CDH23: variants seen among roughly 807,000 people sequenced by gnomAD.
The protein encoded by CDH23 is cadherin-23.
Under a neutral mutation model 317.1 loss-of-function variants are expected in CDH23, and 189 were observed. The ratio of observed to expected loss-of-function variants is 0.60; its 90% CI spans 0.53 to 0.67. The LOEUF (loss-of-function observed/expected upper bound fraction) is 0.67. Ranked by LOEUF, CDH23 falls within the 30% of genes least tolerant of loss-of-function variation. The pLI is 0.00. For missense variants in CDH23, 4,401 were observed against 4,592.4 expected, an observed-to-expected ratio of 0.96 and a Z score of 1.20; for synonymous variants, 1,839 against 1,876.8, an observed-to-expected ratio of 0.98 and a Z score of 0.52.
intron 25 of CDH23, 41 bp downstream of exon 25, chr10:71,705,171 G>A: frequency 6.4e-7 from 1 of 1,563,806 alleles, no homozygotes; most frequent in Non-Finnish European, 8.7e-7. Context: ...CTCAGTGTGT[G>A]GGCACAGGCC....
intron 1 of CDH23, among the ~76,000 whole-genome samples, chr10:71,431,938 C>T (rs1849390270): frequency 6.6e-6 from 1 of 152,204 alleles, no homozygotes; most frequent in African/African-American, 2.4e-5. Flanking sequence ...GGGAGTGTGC[C>T]TTGCTCCAGC....
At chr10:71,648,687 T>C (rs952111370) in intron 14 of CDH23, among the ~76,000 whole-genome samples, 5 of 152,174 alleles carry the variant, frequency 3.3e-5, no homozygotes, top group African/African-American at 9.7e-5. Context: ...CTTTGGTGAA[T>C]GTGAGCCGAG....
intron 69 of CDH23, 133 bp downstream of exon 69, chr10:71,813,481 G>C: frequency 1.3e-6 from 1 of 782,254 alleles, no homozygotes; most frequent in Non-Finnish European, 2.1e-6. Context: ...AATGGGTGGG[G>C]GCCAGGAAGT....
At chr10:71,723,584 A>T (rs1000319008) in intron 28 of CDH23, among the ~76,000 whole-genome samples, 2 of 152,184 alleles carry the variant, frequency 1.3e-5, no homozygotes, top group Admixed American at 1.3e-4. Flanking sequence ...TACAGTGTAC[A>T]GTGCCGGCTG....
chr10:71,799,730 T>A, intron 52 of CDH23, 101 bp downstream of exon 52: 5 of 1,504,964 alleles, frequency 3.3e-6, no homozygotes, highest in Non-Finnish European at 4.6e-6. Context: ...CTGGGTCTTG[T>A]CGCCTGGACA....
chr10:71,628,397 TCTCA>T (rs1170159437), intron 11 of CDH23, among the ~76,000 whole-genome samples: 4 of 152,230 alleles, frequency 2.6e-5, no homozygotes, highest in African/African-American at 7.2e-5. Flanking sequence ...ACAGTTGTGC[TCTCA>T]CTCTGTCCAT....
chr10:71,692,130 C>G (rs529380401), intron 20 of CDH23, among the ~76,000 whole-genome samples: 1 of 152,202 alleles, frequency 6.6e-6, no homozygotes, highest in Non-Finnish European at 1.5e-5. Context: ...GAGGCAGGTA[C>G]TAGCCTTATC....
chr10:71,731,636 C>A (rs1315477011), intron 31 of CDH23, among the ~76,000 whole-genome samples: 1 of 152,174 alleles, frequency 6.6e-6, no homozygotes, highest in Non-Finnish European at 1.5e-5. Context: ...ATCAAAGCCT[C>A]CACTACAAGA....
At chr10:71,650,983 G>A (rs34980911) in intron 14 of CDH23, among the ~76,000 whole-genome samples, 40,329 of 152,192 alleles carry the variant, frequency 0.26, 5,596 homozygotes, top group East Asian at 0.33. Flanking sequence ...AATACCTGCT[G>A]TGTGCTAGGC....
chr10:71,808,691 T>C (rs1358649442), intron 60 of CDH23, among the ~76,000 whole-genome samples: 2 of 152,166 alleles, frequency 1.3e-5, no homozygotes, highest in Non-Finnish European at 2.9e-5. Context: ...GCTCCTCCTC[T>C]GTATGCCTCG....
intron 51 of CDH23, 95 bp from the exon 52 acceptor site, chr10:71,799,397 A>G: frequency 1.2e-6 from 2 of 1,604,436 alleles, no homozygotes; most frequent in Non-Finnish European, 1.7e-6. Flanking sequence ...CCAGCCCACG[A>G]GCAGCTTGAT....
At chr10:71,496,825 GT>G (rs1853003299) in intron 3 of CDH23, among the ~76,000 whole-genome samples, 2 of 56,806 alleles carry the variant, frequency 3.5e-5, no homozygotes, top group Non-Finnish European at 4.6e-5. Context: ...ATGTGGTCTG[GT>G]GTACAGATGG....
intron 9 of CDH23, among the ~76,000 whole-genome samples, chr10:71,614,398 G>A (rs538496797): frequency 6.6e-6 from 1 of 152,354 alleles, no homozygotes; most frequent in East Asian, 1.9e-4. Flanking sequence ...ACAGCAGAGT[G>A]GAATTGGGAT....
Position 71,702,247 on chromosome 10 carries a change from C to T in CDH23, c.2587+36C>T, listed in dbSNP as rs540732539. 5.0e-6 allele frequency: 8 copies of T among 1,598,496 alleles called. No homozygotes were observed. The South Asian group carries it at 6.7e-5, about 13-fold the overall frequency. On this transcript the variant is annotated intron_variant, in intron 23 of 69. Transcript: ENST00000224721. Reference sequence around the variant, plus strand: ...CTCTCGCCCCTCACGGCCCCCACACCTTAGGCTGCGGGTGTCCCTGGTGAC... The same window carrying T: ...CTCTCGCCCCTCACGGCCCCCACACTTTAGGCTGCGGGTGTCCCTGGTGAC...
At position 71,806,338 on chromosome 10, in the gene CDH23, A is replaced by C; in HGVS notation, c.8178+57A>C. The C allele has an allele frequency of 2.5e-6, 3 of 1,179,568 alleles. No homozygotes were observed. In the South Asian group the frequency reaches 3.9e-5, roughly 15 times the overall value. 73.1% of individuals were successfully genotyped at this position (1,179,568 alleles called of 1,614,324 possible). The stretch of plus-strand genomic sequence containing the variant: ...CCCACACAGGGACTCACCTGCCTGC[A>C]AGCACACACTCTCCTATATACACTG... On this transcript the variant is annotated intron_variant, in intron 57 of 69. Coordinates refer to ENST00000224721, the MANE Select transcript of CDH23 (RefSeq NM_022124.6).
At chr10:71,422,998 T>C (rs1848883481) in intron 1 of CDH23, among the ~76,000 whole-genome samples, 15 of 151,576 alleles carry the variant, frequency 9.9e-5, no homozygotes, top group Admixed American at 9.9e-4. Context: ...TTTCCCTCTC[T>C]CTCCCCTTCC....
At chr10:71,462,963 T>C (rs985028555) in intron 3 of CDH23, among the ~76,000 whole-genome samples, 4 of 152,226 alleles carry the variant, frequency 2.6e-5, no homozygotes, top group Admixed American at 2.6e-4. Flanking sequence ...AACCTCTTCA[T>C]TGGCCTAAAG....
At chr10:71,571,180 A>T (rs1466158965) in intron 8 of CDH23, among the ~76,000 whole-genome samples, 1 of 152,236 alleles carries the variant, frequency 6.6e-6, no homozygotes, top group African/African-American at 2.4e-5. Context: ...ACGGGGAGCC[A>T]TTCAGACAGA....
chr10:71,810,348 C>A, intron 61 of CDH23, 124 bp from the exon 62 acceptor site: 1 of 953,572 alleles, frequency 1.0e-6, no homozygotes, highest in Non-Finnish European at 1.7e-6. Flanking sequence ...AGCAAACATT[C>A]AAACATTCAG....
Sources: gnomAD v4.1 joint callset for allele counts (sites outside exome capture counted in the v4.1 genomes callset) on GRCh38, gnomAD v4.1.1 for gene constraint, MANE v1.5 for transcripts, NCBI Gene and HGNC (gene_info 2026-07-23, HGNC 2026-07-21) for gene names.